CNTN4: variants seen among roughly 807,000 people sequenced by gnomAD.
CNTN4 encodes the protein contactin 4.
CNTN4 carries 77 observed loss-of-function variants against 122.5 expected under a neutral mutation model. The ratio of observed to expected loss-of-function variants is 0.63; its 90% CI spans 0.52 to 0.76. The LOEUF is 0.76. CNTN4 is among the 30% of genes least tolerant of loss of function. The pLI is 0.00. For missense variants in CNTN4, 1,256 were observed against 1,259.1 expected, an observed-to-expected ratio of 1.00 and a Z score of 0.04; for synonymous variants, 512 against 447.0, an observed-to-expected ratio of 1.15 and a Z score of -1.83.
At chr3:2,442,586 C>T (rs1028581564) in intron 3 of CNTN4, among the ~76,000 whole-genome samples, 1 of 143,602 alleles carries the variant, frequency 7.0e-6, no homozygotes, top group African/African-American at 2.5e-5. Flanking sequence ...ATCCCTAACA[C>T]ACACACATTT....
At chr3:2,102,314 G>A (rs1214811468) in intron 2 of CNTN4, among the ~76,000 whole-genome samples, 5 of 152,144 alleles carry the variant, frequency 3.3e-5, no homozygotes, top group African/African-American at 7.2e-5. Flanking sequence ...ACAGTCCTGG[G>A]CAATGTAGTT....
chr3:2,179,868 A>G (rs768584102), intron 2 of CNTN4, among the ~76,000 whole-genome samples: 4 of 152,020 alleles, frequency 2.6e-5, no homozygotes, highest in Non-Finnish European at 4.4e-5. Flanking sequence ...TAAAATTAAT[A>G]TTAGTAATAT....
chr3:2,673,474 G>C (rs561051106), intron 4 of CNTN4, among the ~76,000 whole-genome samples: 1 of 152,098 alleles, frequency 6.6e-6, no homozygotes, highest in Non-Finnish European at 1.5e-5. Flanking sequence ...CTTAGTCTGG[G>C]CTGGGCTTGT....
At chr3:2,799,433 C>T (rs936900066) in intron 6 of CNTN4, among the ~76,000 whole-genome samples, 1 of 151,960 alleles carries the variant, frequency 6.6e-6, no homozygotes, top group Non-Finnish European at 1.5e-5. Flanking sequence ...AGAGTTTTTC[C>T]TAGGTTTTCT....
intron 4 of CNTN4, among the ~76,000 whole-genome samples, chr3:2,572,138 A>G (rs2079450673): frequency 6.6e-6 from 1 of 152,238 alleles, no homozygotes; most frequent in Non-Finnish European, 1.5e-5. Context: ...CATTAATCCC[A>G]GCACTTTGGG....
intron 2 of CNTN4, among the ~76,000 whole-genome samples, chr3:2,326,575 C>A (rs1161690315): frequency 6.6e-6 from 1 of 151,980 alleles, no homozygotes; most frequent in African/African-American, 2.4e-5. Flanking sequence ...CAGGAGATTA[C>A]ACAAACTGTA....
At chr3:2,497,815 T>C (rs2076492406) in intron 3 of CNTN4, among the ~76,000 whole-genome samples, 1 of 152,220 alleles carries the variant, frequency 6.6e-6, no homozygotes, top group East Asian at 1.9e-4. Context: ...TTATCTGTTA[T>C]CTTTCTCCCT....
At chr3:2,949,446 C>T (rs927471555) in intron 13 of CNTN4, among the ~76,000 whole-genome samples, 12 of 152,160 alleles carry the variant, frequency 7.9e-5, no homozygotes, top group African/African-American at 2.2e-4. Flanking sequence ...TCAGGAAGGG[C>T]CTTTTCCCAT....
intron 13 of CNTN4, among the ~76,000 whole-genome samples, chr3:2,953,015 A>G (rs1462887326): frequency 6.6e-6 from 1 of 152,240 alleles, no homozygotes; most frequent in African/African-American, 2.4e-5. Flanking sequence ...GCTCATCAAC[A>G]TCAACTAACT....
At chr3:2,804,737 C>CTTTATTTTTTTTTTTTTTTT (rs1553643947) in intron 6 of CNTN4, among the ~76,000 whole-genome samples, 1 of 144,880 alleles carries the variant, frequency 6.9e-6, no homozygotes, top group African/African-American at 2.6e-5. Flanking sequence ...ATTTTGAGCA[C>CTTTATTTTTTTTTTTTTTTT]TTTTTTTTTG....
chr3:2,995,304 C>T (rs116157147), intron 14 of CNTN4, among the ~76,000 whole-genome samples: 242 of 152,294 alleles, frequency 1.6e-3, no homozygotes, highest in African/African-American at 5.4e-3. Context: ...TTTCCTCTGA[C>T]ATTCTTATGG....
chr3:2,417,705 C>T (rs73804533), intron 3 of CNTN4, among the ~76,000 whole-genome samples: 1,545 of 152,204 alleles, frequency 0.01, 24 homozygotes, highest in African/African-American at 0.036. Flanking sequence ...GCTTTATTCA[C>T]AATTGCCAAA....
intron 2 of CNTN4, among the ~76,000 whole-genome samples, chr3:2,141,411 C>T (rs1037894688): frequency 1.3e-5 from 2 of 152,092 alleles, no homozygotes; most frequent in African/African-American, 4.8e-5. Flanking sequence ...AAGGTCAGTC[C>T]CTAGAAACTG....
chr3:2,783,340 C>T (rs747138596), intron 6 of CNTN4, among the ~76,000 whole-genome samples: 48 of 152,060 alleles, frequency 3.2e-4, no homozygotes, highest in Non-Finnish European at 6.2e-4. Flanking sequence ...AGAGATAATT[C>T]GTCTTGAAAA....
intron 4 of CNTN4, among the ~76,000 whole-genome samples, chr3:2,665,867 G>A (rs1287533638): frequency 2.0e-5 from 3 of 152,134 alleles, no homozygotes; most frequent in Admixed American, 6.6e-5. Flanking sequence ...CGTGGCGTGT[G>A]GTATCAGTGG....
Position 2,883,217 on chromosome 3 carries a change from CG to C in CNTN4, c.727del (p.Val243Ter). The C allele has an allele frequency of 1.2e-6, 2 of 1,613,642 alleles. No individual in the cohort carries two copies. Among genetic ancestry groups the C allele is most frequent in the Non-Finnish European group, 1.7e-6 (2 of 1,179,776 alleles). On this transcript the variant is annotated frameshift_variant, in exon 9 of 25. Coordinates refer to ENST00000418658, the MANE Select transcript of CNTN4 (RefSeq NM_175607.3). LOFTEE classifies it high-confidence loss of function. Reference sequence around the variant, plus strand: ...ACAGTTCCGACTGCAAAAGGAGCAACGGTGAAGCTGGAATGCTTTGCTTTAG... The same window carrying C: ...ACAGTTCCGACTGCAAAAGGAGCAACGTGAAGCTGGAATGCTTTGCTTTAG... The part of the protein sequence containing the change: ...PETVPTAKGA[T>X]VKLECFALGN...
chr3:2,417,964 G>A (rs184657972), intron 3 of CNTN4, among the ~76,000 whole-genome samples: 2 of 152,256 alleles, frequency 1.3e-5, no homozygotes, highest in East Asian at 3.9e-4. Context: ...AAAAAGATCC[G>A]TGGTTGCCAG....
chr3:2,833,029 G>C (rs1047784390), intron 7 of CNTN4, among the ~76,000 whole-genome samples: 2 of 152,140 alleles, frequency 1.3e-5, no homozygotes, highest in African/African-American at 4.8e-5. Flanking sequence ...AAAATTACTT[G>C]GTGATCGAGA....
rs531536460 is a variant in CNTN4, at chr3:2,692,001, T to C, written c.56-44214T>C. On this transcript the variant is annotated intron_variant, in intron 4 of 24. Transcript: ENST00000418658. ...TGCTTTGCAGAGTATGCAGGTGTGA[T>C]GAATGTCAACACCCTGCGTCCTTGT... 3.3e-5 allele frequency among the ~76,000 whole-genome samples: 5 copies of C among 152,326 alleles called. No individual in the cohort carries two copies. The South Asian group carries it at 1.0e-3, about 32-fold the overall frequency.
Sources: allele counts gnomAD v4.1 joint callset (sites outside exome capture counted in the v4.1 genomes callset), GRCh38; gene constraint gnomAD v4.1.1; transcripts MANE v1.5; gene names NCBI Gene and HGNC (gene_info 2026-07-23, HGNC 2026-07-21).